The following MOB3B variants were observed in gnomAD, a reference collection of about 807,000 sequenced individuals.
MOB3B encodes MOB kinase activator 3B, also known as MOB kinase activator-like 2B.
Under a neutral mutation model 18.7 loss-of-function variants are expected in MOB3B, and 7 were observed. The ratio of observed to expected loss-of-function variants is 0.37; its 90% confidence interval spans 0.21 to 0.70. The LOEUF is 0.70. Ranked by LOEUF, MOB3B falls within the 30% of genes least tolerant of loss-of-function variation. MOB3B has a pLI of 0.52. For missense variants in MOB3B, 253 were observed against 281.3 expected, an observed-to-expected ratio of 0.90 and a Z score of 0.72; for synonymous variants, 111 against 99.9, an observed-to-expected ratio of 1.11 and a Z score of -0.66.
intron 2 of MOB3B, among the ~76,000 whole-genome samples, chr9:27,423,062 G>C (rs1822279426): frequency 6.6e-6 from 1 of 152,146 alleles, no homozygotes; most frequent in South Asian, 2.1e-4. Context: ...TGGAGAGCCA[G>C]AAAGAACGCT....
intron 1 of MOB3B, among the ~76,000 whole-genome samples, chr9:27,519,223 T>G (rs1354101045): frequency 6.6e-6 from 1 of 152,194 alleles, no homozygotes. Flanking sequence ...CATCATTCAG[T>G]CACCCAACAA....
intron 2 of MOB3B, among the ~76,000 whole-genome samples, chr9:27,371,213 T>C (rs1195250194): frequency 6.6e-6 from 1 of 152,196 alleles, no homozygotes; most frequent in East Asian, 1.9e-4. Context: ...AGGGAGAAGA[T>C]AGCAATGTCA....
chr9:27,478,482 C>T (rs945477915), intron 1 of MOB3B, among the ~76,000 whole-genome samples: 1 of 151,316 alleles, frequency 6.6e-6, no homozygotes, highest in African/African-American at 2.4e-5. Flanking sequence ...AAAAAAAGAA[C>T]TAATTTGAAT....
At chr9:27,427,605 T>G (rs945484106) in intron 2 of MOB3B, among the ~76,000 whole-genome samples, 2 of 152,198 alleles carry the variant, frequency 1.3e-5, no homozygotes, top group African/African-American at 4.8e-5. Context: ...TACTCCATTG[T>G]TTTTTTGTGG....
At chr9:27,492,795 G>A (rs1157686437) in intron 1 of MOB3B, among the ~76,000 whole-genome samples, 1 of 152,174 alleles carries the variant, frequency 6.6e-6, no homozygotes, top group Non-Finnish European at 1.5e-5. Flanking sequence ...TCCAATGTTT[G>A]GGAGTCTGTG....
At chr9:27,437,020 G>T (rs1382503392) in intron 2 of MOB3B, among the ~76,000 whole-genome samples, 2 of 150,592 alleles carry the variant, frequency 1.3e-5, no homozygotes, top group African/African-American at 4.9e-5. Flanking sequence ...GGGGTGGGGG[G>T]AGTGTGTTTT....
intron 1 of MOB3B, among the ~76,000 whole-genome samples, chr9:27,474,050 T>A (rs935303672): frequency 2.6e-5 from 4 of 152,206 alleles, no homozygotes; most frequent in African/African-American, 9.6e-5. Flanking sequence ...CTTCCAGAAC[T>A]ATGAGAAATA....
At chr9:27,383,621 TA>T (rs1191389893) in intron 2 of MOB3B, among the ~76,000 whole-genome samples, 9 of 152,298 alleles carry the variant, frequency 5.9e-5, no homozygotes, top group African/African-American at 2.2e-4. Flanking sequence ...TGTAGAGGGA[TA>T]ACTAGTCCTA....
At chr9:27,371,721 G>C (rs1821417440) in intron 2 of MOB3B, among the ~76,000 whole-genome samples, 1 of 152,136 alleles carries the variant, frequency 6.6e-6, no homozygotes, top group South Asian at 2.1e-4. Flanking sequence ...TGCCAGCCTG[G>C]AGAGTGTATT....
intron 2 of MOB3B, among the ~76,000 whole-genome samples, chr9:27,388,339 G>A (rs904866460): frequency 6.6e-6 from 1 of 152,160 alleles, no homozygotes; most frequent in African/African-American, 2.4e-5. Context: ...CAGAGGCTGA[G>A]GAGCTGGCTT....
rs978250220 is a variant in MOB3B, at chr9:27,327,992, TAAG to T, written c.*2592_*2594del. ...CCATAGTCCTGGCTACTCAGGAGGC[TAAG>T]GTTGAAGCTCACTTGAGGCAAGGGG... is the stretch of plus-strand genomic sequence containing the variant. On this transcript the variant is annotated 3_prime_UTR_variant, in exon 4 of 4. Coordinates refer to ENST00000262244, the MANE Select transcript of MOB3B (RefSeq NM_024761.5). 3 of 151,640 alleles carry T rather than the reference TAAG, an allele frequency of 2.0e-5. No individual in the cohort carries two copies. Among genetic ancestry groups the T allele is most frequent in the Non-Finnish European group, 2.9e-5 (2 of 67,954 alleles). 9.4% of individuals were successfully genotyped at this position (151,640 alleles called of 1,614,324 possible).
At chr9:27,526,339 C>T (rs931491061) in intron 1 of MOB3B, 14 of 152,154 alleles carry the variant, frequency 9.2e-5, no homozygotes, top group African/African-American at 3.1e-4. Flanking sequence ...TTAGTGCAAA[C>T]CATTTAGTAA....
chr9:27,341,032 G>A (rs900918981), intron 3 of MOB3B, among the ~76,000 whole-genome samples: 11 of 152,216 alleles, frequency 7.2e-5, no homozygotes, highest in Admixed American at 3.9e-4. Flanking sequence ...CCCCCTGTAG[G>A]GTTGTGCAGT....
Position 27,391,124 on chromosome 9 carries a change from C to T in MOB3B, c.419-31888G>A, listed in dbSNP as rs142252879. 3.3e-5 allele frequency among the ~76,000 whole-genome samples: 5 copies of T among 152,298 alleles called. No individual in the cohort carries two copies. In the East Asian group the frequency reaches 9.6e-4, roughly 29 times the overall value. Reference sequence around the variant, plus strand: ...AGGCAGAGAAGTAGAGAAGCAAAGGCATGAACCCTTTACTCACACCTACTC... The same window carrying T: ...AGGCAGAGAAGTAGAGAAGCAAAGGTATGAACCCTTTACTCACACCTACTC... On this transcript the variant is annotated intron_variant, in intron 2 of 3. Coordinates refer to ENST00000262244, the MANE Select transcript of MOB3B (RefSeq NM_024761.5).
At chr9:27,453,035 A>C (rs928733004) in intron 2 of MOB3B, among the ~76,000 whole-genome samples, 2 of 152,200 alleles carry the variant, frequency 1.3e-5, no homozygotes, top group Admixed American at 1.3e-4. Flanking sequence ...TTTAGTTGTT[A>C]ATGGGGAAGA....
intron 1 of MOB3B, among the ~76,000 whole-genome samples, chr9:27,468,205 T>C (rs1182864112): frequency 1.3e-5 from 2 of 152,208 alleles, no homozygotes; most frequent in African/African-American, 4.8e-5. Context: ...TTGTACCAGT[T>C]ACTGCTCAGT....
chr9:27,501,193 T>C (rs2492824), intron 1 of MOB3B, among the ~76,000 whole-genome samples: 139,560 of 152,214 alleles, frequency 0.92, 64,917 homozygotes, highest in East Asian at 1. Flanking sequence ...GACAGTGTGG[T>C]GATTCCTCAA....
Position 27,455,107 on chromosome 9 carries a change from A to G in MOB3B, c.418+26T>C. On this transcript the variant is annotated intron_variant, in intron 2 of 3. Transcript: ENST00000262244. ...AGTGAAGATTGTGCAGGTGACAAAA[A>G]AACTGAGAGCTGGTAATGAACTTAC... 5.6e-6 allele frequency: 9 copies of G among 1,613,722 alleles called. 1 individual carries two copies. The Admixed American group carries it at 1.2e-4, about 21-fold the overall frequency.
At chr9:27,383,084 G>A (rs977446632) in intron 2 of MOB3B, among the ~76,000 whole-genome samples, 1 of 152,138 alleles carries the variant, frequency 6.6e-6, no homozygotes. Flanking sequence ...GGCAGCCACT[G>A]TTTAGACCTG....
Sources: allele counts gnomAD v4.1 joint callset (sites outside exome capture counted in the v4.1 genomes callset), GRCh38; gene constraint gnomAD v4.1.1; transcripts MANE v1.5; gene names NCBI Gene and HGNC (gene_info 2026-07-23, HGNC 2026-07-21).